Variants in RIMBP2 observed in about 807,000 individuals in gnomAD.
RIMBP2 encodes the protein RIMS binding protein 2, also known as RIMS-binding protein 2.
Under a neutral mutation model 118.6 loss-of-function variants are expected in RIMBP2, and 48 were observed. The ratio of observed to expected loss-of-function variants is 0.40; its 90% CI spans 0.32 to 0.51. The LOEUF (loss-of-function observed/expected upper bound fraction) is 0.51. Among genes scored for constraint, RIMBP2 ranks in the 20% least tolerant of loss-of-function variants. The pLI is 0.41. For synonymous variants in RIMBP2, 762 were observed against 742.9 expected (o/e 1.03, Z -0.42); for missense variants, 1,551 against 1,768.3 (o/e 0.88, Z 2.20).
At chr12:130,619,403 T>C (rs1250018970) in intron 2 of RIMBP2, among the ~76,000 whole-genome samples, 1 of 152,340 alleles carries the variant, frequency 6.6e-6, no homozygotes, top group East Asian at 1.9e-4. Flanking sequence ...CATTATGCTC[T>C]TTACTGATCA....
intron 1 of RIMBP2, among the ~76,000 whole-genome samples, chr12:130,647,317 C>T (rs1283737027): frequency 2.0e-5 from 3 of 152,018 alleles, no homozygotes; most frequent in East Asian, 1.9e-4. Flanking sequence ...GAGCTGAGAT[C>T]GCACCACTGC....
rs528428287 is a variant in RIMBP2, at chr12:130,441,915, C to T, written c.1437G>A (p.Pro479=). 16 of 1,613,952 alleles carry T rather than the reference C, an allele frequency of 9.9e-6. No homozygotes were observed. Among genetic ancestry groups the T allele is most frequent in the East Asian group, 4.5e-5 (2 of 44,876 alleles). Residue 479 remains proline (P), a synonymous_variant, in exon 11 of 23, where the codon CCG becomes CCA. Transcript: ENST00000690449. ...CCCTTTGCTCCAGCGGGAGCTGCCA[C>T]GGCATCTGGTGGGGTTTGGCCAGAA... ...VKVLAKPHQM[P]WQLPLEQREK...
At chr12:130,437,384 G>A in intron 12 of RIMBP2, 93 bp from the exon 13 acceptor site, 3 of 1,068,886 alleles carry the variant, frequency 2.8e-6, no homozygotes, top group Non-Finnish European at 4.0e-6. Context: ...CAGAGGCCAG[G>A]TGCAAAGGAT....
chr12:130,506,217 AC>A (rs1380678571), intron 4 of RIMBP2, among the ~76,000 whole-genome samples: 3 of 152,008 alleles, frequency 2.0e-5, no homozygotes, highest in Non-Finnish European at 4.4e-5. Context: ...AGTTACCTGT[AC>A]CCCCTGATAG....
chr12:130,710,985 G>A lies in RIMBP2; in HGVS notation c.-352+5237C>T, dbSNP rs1418286912. Among the ~76,000 whole-genome samples the A allele has an allele frequency of 6.6e-6, 1 of 152,214 alleles. No homozygotes were observed. Among genetic ancestry groups the A allele is most frequent in the Non-Finnish European group, 1.5e-5 (1 of 68,040 alleles). On this transcript the variant is annotated intron_variant, in intron 1 of 22. Coordinates refer to ENST00000690449, the MANE Select transcript of RIMBP2 (RefSeq NM_001393629.1). The surrounding 1 kb of genome is among the most constrained non-coding windows in gnomAD (Gnocchi z 4.3). ...TGACCAGGCACAGTGGCTCATGCCTGTAATCCTAGCATTTTGGGAGGCCAA... is the reference window on the plus strand; with the variant it reads ...TGACCAGGCACAGTGGCTCATGCCTATAATCCTAGCATTTTGGGAGGCCAA...
At position 130,605,059 on chromosome 12, in the gene RIMBP2, G is replaced by A. The variant is rs376294040; in HGVS notation, c.-217+23263C>T. ...GCTCCACCACACAGCCTCGGGGTGC[G>A]GTAGACTCCCCGGCTAGGTGTGTGC... is the stretch of plus-strand genomic sequence containing the variant. On this transcript the variant is annotated intron_variant, in intron 2 of 22. Transcript: ENST00000690449. 2.0e-3 allele frequency among the ~76,000 whole-genome samples: 308 copies of A among 152,112 alleles called. 2 individuals carry two copies. The highest frequency in any genetic ancestry group is 6.5e-3 in the African/African-American group (271 of 41,514).
At chr12:130,550,969 G>A (rs891286291) in intron 2 of RIMBP2, among the ~76,000 whole-genome samples, 2 of 152,226 alleles carry the variant, frequency 1.3e-5, no homozygotes, top group Non-Finnish European at 2.9e-5. Context: ...AAGCACCTGT[G>A]TGTCTAAAAT....
At chr12:130,480,560 AT>A (rs1219285841) in intron 4 of RIMBP2, among the ~76,000 whole-genome samples, 1 of 152,146 alleles carries the variant, frequency 6.6e-6, no homozygotes, top group Non-Finnish European at 1.5e-5. Flanking sequence ...TTATTTTATT[AT>A]TTTACAATTC....
chr12:130,438,335 A>ACCCACCCCCCCC, intron 12 of RIMBP2, 30 bp downstream of exon 12: 1 of 865,014 alleles, frequency 1.2e-6, no homozygotes, highest in Non-Finnish European at 1.9e-6. Context: ...GGCCTAACAA[A>ACCCACCCCCCCC]CCCTCCCCAC....
At chr12:130,453,607 C>A (rs2079174080) in intron 7 of RIMBP2, among the ~76,000 whole-genome samples, 1 of 152,230 alleles carries the variant, frequency 6.6e-6, no homozygotes, top group Admixed American at 6.5e-5. Flanking sequence ...CACGGACGGC[C>A]CCCACTCACG....
intron 2 of RIMBP2, among the ~76,000 whole-genome samples, chr12:130,541,416 C>T (rs2139558439): frequency 6.6e-6 from 1 of 152,292 alleles, no homozygotes; most frequent in South Asian, 2.1e-4. Flanking sequence ...AATGTTTCTT[C>T]CTCTTACACC....
chr12:130,669,898 G>A (rs945980862), intron 1 of RIMBP2, among the ~76,000 whole-genome samples: 2 of 152,150 alleles, frequency 1.3e-5, no homozygotes, highest in Non-Finnish European at 2.9e-5. Flanking sequence ...TGGGTTGAAG[G>A]CCGGGGCTCA....
rs989962070 is a variant in RIMBP2, at chr12:130,432,194, G to A, written c.2253+2540C>T. 1.5e-4 allele frequency: 70 copies of A among 456,500 alleles called. 2 individuals are homozygous for A. The highest frequency in any genetic ancestry group is 9.3e-4 in the South Asian group (60 of 64,522). The allele number at this position is 456,500 out of a possible 1,614,324, so 28.3% of individuals were successfully genotyped here. A position where few individuals can be genotyped will look rare whatever the true frequency, so the allele number is the denominator to read the frequency against. The stretch of plus-strand genomic sequence containing the variant: ...TCACTCCTGGATAGGTGAGGAGAAC[G>A]TGGCACATGGGGAAAGGCGTGGAAA... On this transcript the variant is annotated intron_variant, in intron 14 of 22. Transcript: ENST00000690449.
chr12:130,631,502 C>T (rs2061992927), intron 1 of RIMBP2, among the ~76,000 whole-genome samples: 1 of 152,096 alleles, frequency 6.6e-6, no homozygotes, highest in South Asian at 2.1e-4. Flanking sequence ...AGCAGTATCC[C>T]TGCCAGTAGC....
At chr12:130,455,133 T>TG (rs2079315836) in intron 7 of RIMBP2, among the ~76,000 whole-genome samples, 1 of 151,964 alleles carries the variant, frequency 6.6e-6, no homozygotes, top group Non-Finnish European at 1.5e-5. Flanking sequence ...TCGCACGGAG[T>TG]GGGGCTCTGT....
chr12:130,650,245 A>G (rs2063175047), intron 1 of RIMBP2, among the ~76,000 whole-genome samples: 1 of 151,814 alleles, frequency 6.6e-6, no homozygotes, highest in Non-Finnish European at 1.5e-5. Context: ...CTGGGTGCTG[A>G]CTCGTGCCCA....
chr12:130,523,675 T>A lies in RIMBP2; in HGVS notation c.-216-5758A>T, dbSNP rs78691563. 6.6e-6 allele frequency among the ~76,000 whole-genome samples: 1 copy of A among 152,134 alleles called. No homozygotes were observed. The highest frequency in any genetic ancestry group is 1.5e-5 in the Non-Finnish European group (1 of 68,016). On this transcript the variant is annotated intron_variant, in intron 2 of 22. Coordinates refer to ENST00000690449, the MANE Select transcript of RIMBP2 (RefSeq NM_001393629.1). The surrounding 1 kb of genome is among the most constrained non-coding windows in gnomAD (Gnocchi z 4.4). ...TTGTCAATTTTATTCATTTCAATAA[T>A]CCCTCCACCACCACCACTGAGTGTG...
chr12:130,502,075 G>T (rs1292818377), intron 4 of RIMBP2, among the ~76,000 whole-genome samples: 2 of 152,158 alleles, frequency 1.3e-5, no homozygotes, highest in African/African-American at 2.4e-5. Context: ...ACTGTACCCT[G>T]GCCAGAAGCC....
At chr12:130,659,421 A>G (rs1330007650) in intron 1 of RIMBP2, among the ~76,000 whole-genome samples, 2 of 151,374 alleles carry the variant, frequency 1.3e-5, no homozygotes, top group African/African-American at 2.4e-5. Context: ...AATACAAAAA[A>G]TTAGCCAGGC....
Sources: gnomAD v4.1 joint callset for allele counts (sites outside exome capture counted in the v4.1 genomes callset) on GRCh38, gnomAD v4.1.1 for gene constraint, Gnocchi (gnomAD v3.1) non-coding constraint, MANE v1.5 for transcripts, NCBI Gene and HGNC (gene_info 2026-07-23, HGNC 2026-07-21) for gene names.